Variants in SLC25A12 observed in about 807,000 individuals in gnomAD.
SLC25A12 encodes the protein electrogenic aspartate/glutamate antiporter SLC25A12, mitochondrial.
SLC25A12 carries 32 observed loss-of-function variants against 83.3 expected under a neutral mutation model. The ratio of observed to expected loss-of-function variants is 0.38; its 90% CI spans 0.29 to 0.52. The LOEUF (loss-of-function observed/expected upper bound fraction) is 0.52. SLC25A12 is among the 20% of genes least tolerant of loss of function. SLC25A12 has a pLI of 0.84. For synonymous variants in SLC25A12, 267 were observed against 291.1 expected, an observed-to-expected ratio of 0.92 and a Z score of 0.84; for missense variants, 611 against 835.6, an observed-to-expected ratio of 0.73 and a Z score of 3.31.
intron 4 of SLC25A12, among the ~76,000 whole-genome samples, 164 bp from the exon 5 acceptor site, chr2:171,844,672 G>A (rs1196622823): frequency 6.6e-6 from 1 of 152,000 alleles, no homozygotes; most frequent in African/African-American, 2.4e-5. Context: ...CCATGCGCAG[G>A]AACACAACTG....
At chr2:171,800,152 C>G (rs1279825188) in intron 13 of SLC25A12, among the ~76,000 whole-genome samples, 1 of 152,076 alleles carries the variant, frequency 6.6e-6, no homozygotes, top group African/African-American at 2.4e-5. Flanking sequence ...TCTTTAAAAA[C>G]TACTATAAAC....
At chr2:171,882,181 G>A (rs1227221676) in intron 2 of SLC25A12, among the ~76,000 whole-genome samples, 9 of 152,114 alleles carry the variant, frequency 5.9e-5, no homozygotes, top group African/African-American at 2.2e-4. Flanking sequence ...ACAGTTCTTG[G>A]TTTTAATGTG....
chr2:171,894,028 GC>G (rs1685997733), intron 1 of SLC25A12, among the ~76,000 whole-genome samples, 174 bp downstream of exon 1: 1 of 151,958 alleles, frequency 6.6e-6, no homozygotes, highest in Non-Finnish European at 1.5e-5. Context: ...CCCCAGCCGG[GC>G]ATCCCCTCCT....
intron 10 of SLC25A12, 153 bp downstream of exon 10, chr2:171,814,968 C>T (rs1369091315): frequency 1.5e-6 from 1 of 680,202 alleles, no homozygotes; most frequent in Non-Finnish European, 2.7e-6. Context: ...CGACAAGTCT[C>T]CTGATCATAG....
At chr2:171,889,284 T>C (rs967312646) in intron 2 of SLC25A12, among the ~76,000 whole-genome samples, 1 of 152,188 alleles carries the variant, frequency 6.6e-6, no homozygotes, top group East Asian at 1.9e-4. Flanking sequence ...ATAGATGCCT[T>C]ATCAATTAAC....
chr2:171,825,569 G>GTC lies in SLC25A12; in HGVS notation c.930+1227_930+1228dup, dbSNP rs140552995. On this transcript the variant is annotated intron_variant, in intron 9 of 17. Transcript: ENST00000422440. ...TCTATAGCATGCACATTTAGTAACTGTCTCTCTCTCTCTCTCTCTCTGTAT... is the reference window on the plus strand; with the variant it reads ...TCTATAGCATGCACATTTAGTAACTGTCTCTCTCTCTCTCTCTCTCTCTGTAT... Among the ~76,000 whole-genome samples, 640 of 149,746 alleles carry GTC rather than the reference G, an allele frequency of 4.3e-3. 6 individuals are homozygous for GTC. The highest frequency in any genetic ancestry group is 0.013 in the African/African-American group (551 of 41,032).
At position 171,787,880 on chromosome 2, in the gene SLC25A12, G is replaced by A. The variant is rs767946235; in HGVS notation, c.1653C>T (p.Arg551=). ...CACCACTGTATGTCGTCTGGCCAGC[G>A]CGGGCAGCCACCTGCAGTCTTGTCT... ...VIKTRLQVAA[R]AGQTTYSGVI... The change falls in exon 16 of 18, where the codon CGC becomes CGT. Residue 551 remains arginine (R), a synonymous_variant. Transcript: ENST00000422440. 50 of 1,614,108 alleles carry A rather than the reference G, an allele frequency of 3.1e-5. No individual in the cohort carries two copies. Among genetic ancestry groups the A allele is most frequent in the Non-Finnish European group, 3.4e-5 (40 of 1,180,046 alleles).
intron 8 of SLC25A12, among the ~76,000 whole-genome samples, chr2:171,827,666 T>A (rs371031349): frequency 6.6e-6 from 1 of 152,192 alleles, no homozygotes; most frequent in African/African-American, 2.4e-5. Flanking sequence ...CTGTGGAGTA[T>A]ACTTTTGCTT....
At chr2:171,846,082 G>A (rs1684791690) in intron 4 of SLC25A12, among the ~76,000 whole-genome samples, 1 of 151,866 alleles carries the variant, frequency 6.6e-6, no homozygotes, top group Non-Finnish European at 1.5e-5. Flanking sequence ...AAAATATTTA[G>A]GGCTACAAAT....
At chr2:171,893,929 A>C (rs1192839603) in intron 1 of SLC25A12, among the ~76,000 whole-genome samples, 2 of 151,808 alleles carry the variant, frequency 1.3e-5, no homozygotes, top group African/African-American at 4.8e-5. Context: ...TCACAATCCC[A>C]TGCACCTAGG....
intron 9 of SLC25A12, among the ~76,000 whole-genome samples, chr2:171,818,222 C>T (rs912830818): frequency 3.9e-5 from 6 of 152,126 alleles, no homozygotes; most frequent in Non-Finnish European, 2.9e-5. Flanking sequence ...TGAAGGAAAA[C>T]ACTCAGCACT....
intron 14 of SLC25A12, among the ~76,000 whole-genome samples, chr2:171,792,407 C>A (rs1257113610): frequency 6.6e-6 from 1 of 151,778 alleles, no homozygotes; most frequent in Non-Finnish European, 1.5e-5. Context: ...CCCACCTCAG[C>A]CTCCTGAGTA....
intron 10 of SLC25A12, among the ~76,000 whole-genome samples, chr2:171,813,850 T>C (rs897563782): frequency 6.6e-6 from 1 of 152,230 alleles, no homozygotes; most frequent in African/African-American, 2.4e-5. Flanking sequence ...TTATTTATAT[T>C]TTCCATTAAA....
chr2:171,806,217 T>C (rs1683824403), intron 13 of SLC25A12, among the ~76,000 whole-genome samples: 2 of 152,150 alleles, frequency 1.3e-5, no homozygotes, highest in African/African-American at 4.8e-5. Context: ...CCCAGCACTT[T>C]GGGAGGCCGA....
chr2:171,844,272 T>G (rs563062694), intron 5 of SLC25A12, 97 bp downstream of exon 5: 1 of 1,336,630 alleles, frequency 7.5e-7, no homozygotes, highest in Admixed American at 1.8e-5. Flanking sequence ...TGAAATACCA[T>G]GGAGAACTTC....
chr2:171,812,680 C>G (rs1683971024), intron 11 of SLC25A12, among the ~76,000 whole-genome samples: 2 of 152,102 alleles, frequency 1.3e-5, no homozygotes, highest in South Asian at 4.1e-4. Flanking sequence ...CTGCACTGTG[C>G]TCAGTCTAGA....
At chr2:171,840,516 C>A (rs1684649570) in intron 5 of SLC25A12, among the ~76,000 whole-genome samples, 1 of 151,950 alleles carries the variant, frequency 6.6e-6, no homozygotes, top group Admixed American at 6.6e-5. Flanking sequence ...TCTTCAATAT[C>A]TTTGAAGAAG....
intron 2 of SLC25A12, among the ~76,000 whole-genome samples, chr2:171,870,918 A>T (rs1055764913): frequency 3.9e-5 from 6 of 152,134 alleles, no homozygotes; most frequent in Admixed American, 3.3e-4. Context: ...CAATAAGAAA[A>T]GAGTTAGGCC....
chr2:171,850,942 C>A (rs1283287862), intron 4 of SLC25A12, among the ~76,000 whole-genome samples: 1 of 152,310 alleles, frequency 6.6e-6, no homozygotes, highest in African/African-American at 2.4e-5. Flanking sequence ...ACAAATGGAA[C>A]ACATTTTTAT....
Sources: gnomAD v4.1 joint callset for allele counts (sites outside exome capture counted in the v4.1 genomes callset) on GRCh38, gnomAD v4.1.1 for gene constraint, MANE v1.5 for transcripts, NCBI Gene and HGNC (gene_info 2026-07-23, HGNC 2026-07-21) for gene names.